Variants in PDSS1 observed in about 807,000 individuals in gnomAD.
PDSS1 encodes decaprenyl diphosphate synthase subunit 1.
A neutral mutation model predicts 57.5 loss-of-function variants in PDSS1; 43 were observed. The observed-to-expected ratio is 0.75, with a 90% CI of 0.59 to 0.96. The LOEUF (loss-of-function observed/expected upper bound fraction) is 0.96, where lower values mean the gene tolerates loss of function less well. Among genes scored for constraint, PDSS1 ranks in the 50% least tolerant of loss-of-function variants. The pLI is 0.00. For missense variants in PDSS1, 438 were observed against 527.8 expected (o/e 0.83, Z 1.67); for synonymous variants, 175 against 191.3 (o/e 0.91, Z 0.70).
chr10:26,742,391 T>G (rs1232484695), intron 10 of PDSS1, 106 bp from the exon 11 acceptor site: 1 of 829,440 alleles, frequency 1.2e-6, no homozygotes, highest in Non-Finnish European at 2.0e-6. Context: ...AGTTTCATTT[T>G]TGTTGTTTCT....
At chr10:26,698,222 A>C (rs2132197850) in intron 1 of PDSS1, among the ~76,000 whole-genome samples, 1 of 152,208 alleles carries the variant, frequency 6.6e-6, no homozygotes, top group South Asian at 2.1e-4. Context: ...GAGTTAGAGG[A>C]AGACAGATCT....
chr10:26,713,248 C>T (rs964199946), intron 5 of PDSS1, among the ~76,000 whole-genome samples: 4 of 149,156 alleles, frequency 2.7e-5, no homozygotes, highest in African/African-American at 4.9e-5. Context: ...GCCGAGATCA[C>T]GCCATTGCAT....
intron 8 of PDSS1, among the ~76,000 whole-genome samples, chr10:26,731,335 CA>C (rs1274340940): frequency 6.6e-6 from 1 of 152,068 alleles, no homozygotes; most frequent in African/African-American, 2.4e-5. Context: ...AGTGAGACTC[CA>C]TCTCAAAAAA....
chr10:26,721,986 G>A (rs1835803191), intron 6 of PDSS1, among the ~76,000 whole-genome samples: 2 of 152,194 alleles, frequency 1.3e-5, no homozygotes, highest in African/African-American at 4.8e-5. Context: ...GTGCCCCCTC[G>A]GTGAGCCCTT....
At chr10:26,743,201 T>C (rs1276337682) in intron 11 of PDSS1, among the ~76,000 whole-genome samples, 2 of 152,358 alleles carry the variant, frequency 1.3e-5, no homozygotes, top group East Asian at 3.9e-4. Context: ...TCTTCAGAAC[T>C]TTTCTGTGGA....
At chr10:26,706,050 G>T (rs893948995) in intron 4 of PDSS1, among the ~76,000 whole-genome samples, 12 of 152,136 alleles carry the variant, frequency 7.9e-5, no homozygotes, top group Non-Finnish European at 1.2e-4. Context: ...GTCATTGCCA[G>T]TCTGCCCCAA....
chr10:26,706,430 G>A (rs1403547971), intron 4 of PDSS1, among the ~76,000 whole-genome samples: 5 of 152,146 alleles, frequency 3.3e-5, no homozygotes, highest in South Asian at 2.1e-4. Flanking sequence ...CGCCTTCTCT[G>A]GCGATTGCCT....
chr10:26,707,578 T>G (rs913652625), intron 4 of PDSS1, among the ~76,000 whole-genome samples: 18 of 152,268 alleles, frequency 1.2e-4, no homozygotes, highest in South Asian at 4.2e-4. Flanking sequence ...CACTCTGCAC[T>G]TTGTTCCCCC....
intron 4 of PDSS1, among the ~76,000 whole-genome samples, chr10:26,706,039 T>C (rs1835203416): frequency 6.6e-6 from 1 of 152,218 alleles, no homozygotes; most frequent in African/African-American, 2.4e-5. Flanking sequence ...TAATTCTGAA[T>C]GTCATTGCCA....
intron 8 of PDSS1, among the ~76,000 whole-genome samples, chr10:26,726,759 A>G (rs189715553): frequency 2.0e-5 from 3 of 152,238 alleles, no homozygotes; most frequent in African/African-American, 7.2e-5. Flanking sequence ...ATTGACTGAT[A>G]TTAAAATAGA....
intron 10 of PDSS1, among the ~76,000 whole-genome samples, chr10:26,739,739 C>T (rs1253795685): frequency 6.6e-6 from 1 of 152,180 alleles, no homozygotes; most frequent in African/African-American, 2.4e-5. Flanking sequence ...TAGTGGCTCA[C>T]GTCCATAATC....
chr10:26,735,184 A>C (rs1836348831), intron 8 of PDSS1, 56 bp from the exon 9 acceptor site: 2 of 1,218,502 alleles, frequency 1.6e-6, no homozygotes, highest in Non-Finnish European at 2.4e-6. Context: ...GCCAGGGGTC[A>C]GCTGCTTTGT....
intron 11 of PDSS1, among the ~76,000 whole-genome samples, chr10:26,745,295 T>C (rs11015260): frequency 0.12 from 18,643 of 152,252 alleles, 1,489 homozygotes; most frequent in African/African-American, 0.22. Context: ...TTATTAGTAT[T>C]TGGCTTTTAG....
At chr10:26,725,079 G>A (rs542746113) in intron 8 of PDSS1, among the ~76,000 whole-genome samples, 27 of 151,488 alleles carry the variant, frequency 1.8e-4, no homozygotes, top group Non-Finnish European at 3.4e-4. Context: ...GGTATTCATC[G>A]TTAGTCCAAG....
At chr10:26,742,400 CTTG>C (rs1312637846) in intron 10 of PDSS1, 94 bp from the exon 11 acceptor site, 21 of 898,632 alleles carry the variant, frequency 2.3e-5, no homozygotes, top group Non-Finnish European at 3.4e-5. Flanking sequence ...TTTGTTGTTT[CTTG>C]TTATTTCCTA....
Position 26,713,266 on chromosome 10 carries a change from T to TG in PDSS1, c.467+3501dup, listed in dbSNP as rs552938300. 4.0e-5 allele frequency among the ~76,000 whole-genome samples: 6 copies of TG among 151,046 alleles called. No individual in the cohort carries two copies. In the South Asian group the frequency reaches 1.3e-3, roughly 32 times the overall value. The stretch of plus-strand genomic sequence containing the variant: ...GAGATCACGCCATTGCATTCCATCC[T>TG]GGGAACAGAGCAAGACTCCGTCTCA... On this transcript the variant is annotated intron_variant, in intron 5 of 11. Transcript: ENST00000376215.
chr10:26,714,860 A>C (rs2132244512), intron 5 of PDSS1: 1 of 152,348 alleles, frequency 6.6e-6, no homozygotes, highest in South Asian at 2.1e-4. Flanking sequence ...AGTAGATAAC[A>C]GGTTGAGAGT....
chr10:26,715,741 T>C (rs1414376595), intron 5 of PDSS1: 1 of 152,218 alleles, frequency 6.6e-6, no homozygotes, highest in African/African-American at 2.4e-5. Context: ...AAGAACTGAA[T>C]GCTGGTTAGT....
chr10:26,718,295 A>T (rs1210140202), intron 5 of PDSS1, among the ~76,000 whole-genome samples: 1 of 151,988 alleles, frequency 6.6e-6, no homozygotes, highest in Admixed American at 6.6e-5. Flanking sequence ...CGCCCGCCTC[A>T]GCCTTCCAGA....
Sources: gnomAD v4.1 joint callset for allele counts (sites outside exome capture counted in the v4.1 genomes callset) on GRCh38, gnomAD v4.1.1 for gene constraint, MANE v1.5 for transcripts, NCBI Gene and HGNC (gene_info 2026-07-23, HGNC 2026-07-21) for gene names.